Variants in FAM20A observed in about 807,000 individuals in gnomAD.
FAM20A encodes the protein FAM20A golgi associated secretory pathway pseudokinase, also known as pseudokinase FAM20A.
FAM20A carries 42 observed loss-of-function variants against 52.0 expected under a neutral mutation model. The ratio of observed to expected loss-of-function variants is 0.81; its 90% CI spans 0.63 to 1.04. The LOEUF (loss-of-function observed/expected upper bound fraction) is 1.04. Ranked by LOEUF, FAM20A falls within the 50% of genes least tolerant of loss-of-function variation. FAM20A has a pLI of 0.00. For synonymous variants in FAM20A, 304 were observed against 298.9 expected, an observed-to-expected ratio of 1.02 and a Z score of -0.18; for missense variants, 742 against 712.7, an observed-to-expected ratio of 1.04 and a Z score of -0.47.
chr17:68,541,939 T>A, intron 7 of FAM20A, 46 bp downstream of exon 7: 1 of 1,584,950 alleles, frequency 6.3e-7, no homozygotes. Context: ...ACAGGGTCTG[T>A]GGCTACTGTC....
chr17:68,557,156 C>T (rs2907380), intron 1 of FAM20A, among the ~76,000 whole-genome samples: 117 of 151,736 alleles, frequency 7.7e-4, no homozygotes, highest in African/African-American at 2.5e-3. Flanking sequence ...GCCGAGATCA[C>T]GCCACTGCAC....
At chr17:68,568,275 C>T (rs1444859211) in intron 1 of FAM20A, among the ~76,000 whole-genome samples, 2 of 151,840 alleles carry the variant, frequency 1.3e-5, no homozygotes, top group Non-Finnish European at 2.9e-5. Flanking sequence ...CAAGACCATC[C>T]TGGCTAACAC....
chr17:68,539,192 G>A (rs1458424989), intron 10 of FAM20A, 145 bp downstream of exon 10: 13 of 739,856 alleles, frequency 1.8e-5, no homozygotes, highest in Admixed American at 1.0e-4. Context: ...GTGCACAAAT[G>A]TGTAGGAAAT....
chr17:68,581,558 CCTCT>C (rs1156902677), intron 1 of FAM20A, among the ~76,000 whole-genome samples: 3 of 113,082 alleles, frequency 2.7e-5, no homozygotes, highest in Non-Finnish European at 5.4e-5. Context: ...TTCTTTCTTT[CCTCT>C]CTCTCTCTTT....
chr17:68,554,057 C>T (rs62087505), intron 3 of FAM20A, among the ~76,000 whole-genome samples: 79,353 of 130,536 alleles, frequency 0.61, 27,200 homozygotes, highest in East Asian at 0.81. Context: ...CACATATACA[C>T]ATATACACAC....
intron 4 of FAM20A, among the ~76,000 whole-genome samples, chr17:68,548,891 C>T (rs1282658781): frequency 6.6e-6 from 1 of 151,688 alleles, no homozygotes; most frequent in African/African-American, 2.4e-5. Flanking sequence ...CACCACCACG[C>T]CCGGCTAATT....
At chr17:68,539,510 G>A in intron 9 of FAM20A, 114 bp from the exon 10 acceptor site, 5 of 914,954 alleles carry the variant, frequency 5.5e-6, no homozygotes, top group East Asian at 4.9e-5. Context: ...AAATGCCAGG[G>A]ATCATGGCAG....
At chr17:68,564,393 AG>A (rs2143763429) in intron 1 of FAM20A, among the ~76,000 whole-genome samples, 1 of 152,342 alleles carries the variant, frequency 6.6e-6, no homozygotes, top group African/African-American at 2.4e-5. Flanking sequence ...ATGAGAGACC[AG>A]GTGGATGATG....
At chr17:68,543,223 C>G (rs1017226623) in intron 5 of FAM20A, among the ~76,000 whole-genome samples, 1 of 152,054 alleles carries the variant, frequency 6.6e-6, no homozygotes, top group African/African-American at 2.4e-5. Context: ...ACGCTACAGA[C>G]CACACTTTGG....
Position 68,556,262 on chromosome 17 carries a change from G to A in FAM20A, c.405-519C>T, listed in dbSNP as rs577906196. On this transcript the variant is annotated intron_variant, in intron 1 of 10. Transcript: ENST00000592554. The stretch of plus-strand genomic sequence containing the variant: ...CTGGAAGCTGAGTTAGATTATAAAC[G>A]AAAAGAAGAATTAATGAGCCATTTA... 5.3e-5 allele frequency among the ~76,000 whole-genome samples: 8 copies of A among 152,238 alleles called. No homozygotes were observed. The South Asian group carries it at 6.2e-4, about 12-fold the overall frequency.
intron 4 of FAM20A, chr17:68,551,350 T>C (rs969118648): frequency 5.2e-6 from 2 of 384,036 alleles, no homozygotes; most frequent in African/African-American, 4.1e-5. Flanking sequence ...CTTGATTGTC[T>C]AGTTTTTCAG....
chr17:68,542,637 G>T, intron 6 of FAM20A, 57 bp downstream of exon 6: 1 of 1,310,466 alleles, frequency 7.6e-7, no homozygotes, highest in Non-Finnish European at 1.1e-6. Context: ...TGGAGGGGTG[G>T]ACACTCTGGC....
At chr17:68,568,604 G>C (rs1434441127) in intron 1 of FAM20A, among the ~76,000 whole-genome samples, 3 of 151,854 alleles carry the variant, frequency 2.0e-5, no homozygotes, top group Non-Finnish European at 4.4e-5. Context: ...CTCTAGGGGA[G>C]TTTCACTCTC....
At chr17:68,555,848 G>A in intron 1 of FAM20A, 105 bp from the exon 2 acceptor site, 3 of 1,318,326 alleles carry the variant, frequency 2.3e-6, no homozygotes, top group South Asian at 2.5e-5. Context: ...TTCCACAAGT[G>A]TATTAAGCAT....
intron 1 of FAM20A, among the ~76,000 whole-genome samples, chr17:68,558,708 G>C (rs2087125048): frequency 6.6e-6 from 1 of 152,066 alleles, no homozygotes; most frequent in South Asian, 2.1e-4. Context: ...CCCAGCTTCA[G>C]GTATTTCTTT....
At chr17:68,576,895 C>T (rs1041917869) in intron 1 of FAM20A, among the ~76,000 whole-genome samples, 1 of 152,262 alleles carries the variant, frequency 6.6e-6, no homozygotes, top group African/African-American at 2.4e-5. Flanking sequence ...GAGGGACATT[C>T]TAGGAGCTGG....
chr17:68,597,643 C>G (rs893819777), intron 1 of FAM20A, among the ~76,000 whole-genome samples: 15 of 152,158 alleles, frequency 9.9e-5, no homozygotes, highest in African/African-American at 3.1e-4. Context: ...CCTCAGCCTC[C>G]CAAAGTGCTG....
At position 68,535,117 on chromosome 17, in the gene FAM20A, C is replaced by G. The variant is rs1314996156; in HGVS notation, c.*2360G>C. On this transcript the variant is annotated 3_prime_UTR_variant, in exon 11 of 11. Transcript: ENST00000592554. ...TGTCAGTAGTAACTTGAAAAGTTCT[C>G]AGAGTCAAGAGACTTTTTATTTCAT... The G allele has an allele frequency of 2.7e-6, 1 of 365,424 alleles. No individual in the cohort carries two copies. The highest frequency in any genetic ancestry group is 5.3e-6 in the Non-Finnish European group (1 of 187,872). The allele number at this position is 365,424 out of a possible 1,614,324, so 22.6% of individuals were successfully genotyped here.
Position 68,543,656 on chromosome 17 carries a change from G to T in FAM20A, c.785C>A (p.Ala262Asp). The change falls in exon 5 of 11, where the codon GCT becomes GAT. Residue 262 changes from alanine to aspartate, a missense_variant. Physicochemically the swap from Ala to Asp is moderately radical, Grantham distance 126 (BLOSUM62 -2). Transcript: ENST00000592554. Reference sequence around the variant, plus strand: ...GTCCAGATGGAAAGCTGCGATCTCAGCATTGTGTCTCTGAAAGTCAATGAA... The same window carrying T: ...GTCCAGATGGAAAGCTGCGATCTCATCATTGTGTCTCTGAAAGTCAATGAA... ...FYFIDFQRHN[A>D]EIAAFHLDRI... 1 of 1,614,118 alleles carries T rather than the reference G, an allele frequency of 6.2e-7. No individual in the cohort carries two copies. Among genetic ancestry groups the T allele is most frequent in the Non-Finnish European group, 8.5e-7 (1 of 1,179,996 alleles).
Sources: allele counts gnomAD v4.1 joint callset (sites outside exome capture counted in the v4.1 genomes callset), GRCh38; gene constraint gnomAD v4.1.1; transcripts MANE v1.5; gene names NCBI Gene and HGNC (gene_info 2026-07-23, HGNC 2026-07-21).